EIPR1: variants seen among roughly 807,000 people sequenced by gnomAD.
EIPR1 encodes the protein EARP complex and GARP complex interacting protein 1.
In EIPR1, 25 loss-of-function variants were observed where a neutral mutation model predicts 48.1. That is an observed-to-expected ratio of 0.52 (90% CI 0.38 to 0.73). The LOEUF is 0.73. Among genes scored for constraint, EIPR1 ranks in the 30% least tolerant of loss-of-function variants. The pLI is 0.00. For missense variants in EIPR1, 415 were observed against 506.2 expected (o/e 0.82, Z 1.73); for synonymous variants, 204 against 201.9 (o/e 1.01, Z -0.09).
At chr2:3,254,389 A>G (rs1667091947) in intron 4 of EIPR1, among the ~76,000 whole-genome samples, 1 of 152,138 alleles carries the variant, frequency 6.6e-6, no homozygotes, top group Admixed American at 6.5e-5. Context: ...ACTTACCGCA[A>G]CTGTAGTCAT....
intron 3 of EIPR1, among the ~76,000 whole-genome samples, chr2:3,298,864 A>C (rs1007797036): frequency 7.9e-5 from 12 of 152,202 alleles, no homozygotes; most frequent in African/African-American, 2.9e-4. Context: ...AGACACGTAC[A>C]GCTCTGGGAC....
intron 3 of EIPR1, among the ~76,000 whole-genome samples, chr2:3,307,129 A>T (rs1216932189): frequency 6.6e-6 from 1 of 151,774 alleles, no homozygotes; most frequent in Non-Finnish European, 1.5e-5. Context: ...CACCCTGCTA[A>T]TTTTTGTATT....
rs544927982 is a variant in EIPR1 at position 3,214,520 on chromosome 2, A to C, written c.417-272T>G. 6.7e-4 allele frequency: 216 copies of C among 324,652 alleles called. 2 individuals are homozygous for C. In the South Asian group the frequency reaches 9.1e-3, roughly 14 times the overall value. The allele number at this position is 324,652 out of a possible 1,614,324, so 20.1% of individuals were successfully genotyped here. On this transcript the variant is annotated intron_variant, in intron 4 of 8. Transcript: ENST00000382125. ...GCTGCAGAGGTTCGTCAATGTACAC[A>C]GGGGCTATGTCCTCACATCCGTCGT...
chr2:3,282,664 G>A (rs1572393220), intron 3 of EIPR1: 1 of 152,402 alleles, frequency 6.6e-6, no homozygotes, highest in East Asian at 1.9e-4. Flanking sequence ...GTTGCCCAGG[G>A]AACAGCCATT....
At chr2:3,227,063 G>A (rs910291100) in intron 4 of EIPR1, among the ~76,000 whole-genome samples, 8 of 152,208 alleles carry the variant, frequency 5.3e-5, no homozygotes, top group Non-Finnish European at 7.3e-5. Context: ...AATTGGTACT[G>A]CAGAGAGTGA....
intron 3 of EIPR1, among the ~76,000 whole-genome samples, chr2:3,292,108 A>C (rs1465388596): frequency 6.6e-6 from 1 of 152,214 alleles, no homozygotes; most frequent in Non-Finnish European, 1.5e-5. Context: ...CCATGCTAAC[A>C]TCACTCAGGA....
In EIPR1 at chr2:3,374,823, G is replaced by C. The variant is rs1216544807; in HGVS notation, c.42+2825C>G. Among the ~76,000 whole-genome samples the C allele has an allele frequency of 3.0e-3, 433 of 143,958 alleles. 2 individuals are homozygous for C. Among genetic ancestry groups the C allele is most frequent in the African/African-American group, 0.01 (387 of 38,390 alleles). The allele number at this position is 143,958 out of a possible 152,430, so 94.4% of individuals were successfully genotyped here. On this transcript the variant is annotated intron_variant, in intron 1 of 8. Coordinates refer to ENST00000382125, the MANE Select transcript of EIPR1 (RefSeq NM_003310.5). ...CAACCATTGTGGAAGTCAGTGTGGC[G>C]ATTCCTCAGGGATCTAGAACCAGAA... is the stretch of plus-strand genomic sequence containing the variant.
chr2:3,332,235 C>G (rs915610731), intron 3 of EIPR1, among the ~76,000 whole-genome samples: 1 of 152,166 alleles, frequency 6.6e-6, no homozygotes, highest in Non-Finnish European at 1.5e-5. Context: ...TTAAGAAAAC[C>G]GTGGGTGAAA....
chr2:3,199,077 G>C (rs867737972), intron 5 of EIPR1, among the ~76,000 whole-genome samples: 23 of 48,942 alleles, frequency 4.7e-4, no homozygotes, highest in Admixed American at 7.7e-4. Flanking sequence ...CCCCCGCCCC[G>C]GGAATGCATT....
intron 3 of EIPR1, among the ~76,000 whole-genome samples, chr2:3,283,962 A>AAAAG (rs1251927587): frequency 0.031 from 4,356 of 142,290 alleles, 185 homozygotes; most frequent in African/African-American, 0.077. Flanking sequence ...AAAAAAAAAA[A>AAAAG]AAAGAAAGAA....
intron 3 of EIPR1, among the ~76,000 whole-genome samples, chr2:3,305,470 ACCCTCCACTCCCGTCAGTTCAG>A (rs1668912697): frequency 1.2e-5 from 1 of 86,004 alleles, no homozygotes; most frequent in Non-Finnish European, 2.4e-5. Context: ...GTCCAGTTCA[ACCCTCCACTCCCGTCAGTTCAG>A]CCCTCCACTC....
At chr2:3,265,086 T>A (rs2103232032) in intron 3 of EIPR1, among the ~76,000 whole-genome samples, 1 of 17,706 alleles carries the variant, frequency 5.6e-5, no homozygotes, top group Middle Eastern at 0.031. Flanking sequence ...AAAATTGTCC[T>A]TCTAGAATTT....
At chr2:3,268,470 T>C (rs1007352659) in intron 3 of EIPR1, among the ~76,000 whole-genome samples, 2 of 152,194 alleles carry the variant, frequency 1.3e-5, no homozygotes, top group Admixed American at 6.5e-5. Context: ...CCCTCCAAGA[T>C]GTTCCTTCCT....
intron 3 of EIPR1, among the ~76,000 whole-genome samples, chr2:3,337,447 T>C (rs1314579321): frequency 6.6e-6 from 1 of 152,154 alleles, no homozygotes; most frequent in Non-Finnish European, 1.5e-5. Flanking sequence ...AGCCAGAATT[T>C]AGAAAGTACT....
At chr2:3,298,502 A>C (rs185080025) in intron 3 of EIPR1, 3 of 152,088 alleles carry the variant, frequency 2.0e-5, no homozygotes, top group African/African-American at 7.2e-5. Context: ...TATGGCCTCC[A>C]AAGTCATCCT....
At chr2:3,272,326 C>A (rs1667723393) in intron 3 of EIPR1, among the ~76,000 whole-genome samples, 1 of 152,230 alleles carries the variant, frequency 6.6e-6, no homozygotes, top group African/African-American at 2.4e-5. Context: ...TTTGCATTCA[C>A]AACTTGGCCA....
At chr2:3,263,306 A>T (rs1192292306) in intron 3 of EIPR1, among the ~76,000 whole-genome samples, 2 of 152,202 alleles carry the variant, frequency 1.3e-5, no homozygotes, top group Non-Finnish European at 2.9e-5. Context: ...GCCTGGAAGT[A>T]AAAAGACTGA....
rs551290798 is a variant in EIPR1 at position 3,293,310 on chromosome 2, CCTCCAGGAGGCCCTTGGAAGA to C, written c.260-35876_260-35856del. Reference sequence around the variant, plus strand: ...GGGCATCTTTACTGGGTCAGTGGCTCCTCCAGGAGGCCCTTGGAAGACTTCAGGAGGGGCGTGGTGGAAGAC... The same window carrying C: ...GGGCATCTTTACTGGGTCAGTGGCTCCTTCAGGAGGGGCGTGGTGGAAGAC... On this transcript the variant is annotated intron_variant, in intron 3 of 8. Transcript: ENST00000382125. Among the ~76,000 whole-genome samples the C allele has an allele frequency of 4.0e-4, 61 of 152,318 alleles. No individual in the cohort carries two copies. The East Asian group carries it at 0.011, about 28-fold the overall frequency.
At chr2:3,251,971 G>C (rs1667012521) in intron 4 of EIPR1, among the ~76,000 whole-genome samples, 1 of 152,152 alleles carries the variant, frequency 6.6e-6, no homozygotes, top group Non-Finnish European at 1.5e-5. Context: ...AGTAATTCCA[G>C]ATACCTTTAC....
Sources: allele counts gnomAD v4.1 joint callset (sites outside exome capture counted in the v4.1 genomes callset), GRCh38; gene constraint gnomAD v4.1.1; transcripts MANE v1.5; gene names NCBI Gene and HGNC (gene_info 2026-07-23, HGNC 2026-07-21).